Variants in CFAP20DC observed in about 807,000 individuals in gnomAD.
The protein encoded by CFAP20DC is CFAP20 domain containing.
In CFAP20DC, 84 loss-of-function variants were observed where a neutral mutation model predicts 101.7. The ratio of observed to expected loss-of-function variants is 0.83; its 90% CI spans 0.69 to 0.99. The LOEUF is 0.99. CFAP20DC is among the 50% of genes least tolerant of loss of function. The pLI is 0.00. For missense variants in CFAP20DC, 1,007 were observed against 970.3 expected (o/e 1.04, Z -0.50); for synonymous variants, 359 against 351.2 (o/e 1.02, Z -0.25).
intron 4 of CFAP20DC, among the ~76,000 whole-genome samples, chr3:58,957,377 A>T (rs1361936863): frequency 6.6e-6 from 1 of 152,214 alleles, no homozygotes; most frequent in Non-Finnish European, 1.5e-5. Context: ...ATGTGGAGAA[A>T]TGGTAACCCT....
chr3:58,932,730 T>C (rs964932276), intron 5 of CFAP20DC, among the ~76,000 whole-genome samples: 3 of 152,146 alleles, frequency 2.0e-5, no homozygotes, highest in Non-Finnish European at 4.4e-5. Context: ...TGCTGAGACA[T>C]TTTGTCACCA....
chr3:58,863,717 GAA>G lies in CFAP20DC; in HGVS notation c.1432_1433del (p.Phe478HisfsTer32), dbSNP rs777948716. On this transcript the variant is annotated frameshift_variant, in exon 12 of 17. Transcript: ENST00000482387. LOFTEE classifies it high-confidence loss of function. The surrounding 1 kb of genome is among the most constrained non-coding windows in gnomAD (Gnocchi z 5.9). Reference sequence around the variant, plus strand: ...CTGATCGTGGTCTTGATGAAAAAGTGAAAATGTCCTTTGGAACACTCTGGGAT... The same window carrying G: ...CTGATCGTGGTCTTGATGAAAAAGTGAATGTCCTTTGGAACACTCTGGGAT... ...EESQSVPKDI[F>X]TFSSRPRSAP... The G allele has an allele frequency of 4.3e-6, 7 of 1,614,178 alleles. No individual in the cohort carries two copies. The highest frequency in any genetic ancestry group is 5.9e-6 in the Non-Finnish European group (7 of 1,180,026).
chr3:58,769,744 G>C (rs1354760719), intron 15 of CFAP20DC, among the ~76,000 whole-genome samples: 2 of 152,116 alleles, frequency 1.3e-5, no homozygotes, highest in Non-Finnish European at 2.9e-5. Context: ...TCTGGAATAG[G>C]ATCACATCTC....
At chr3:58,870,079 G>T in intron 8 of CFAP20DC, 94 bp downstream of exon 8, 1 of 926,964 alleles carries the variant, frequency 1.1e-6, no homozygotes, top group Non-Finnish European at 1.7e-6. Flanking sequence ...CTGTCTGTCT[G>T]TCTTTCCCTC....
intron 4 of CFAP20DC, among the ~76,000 whole-genome samples, chr3:59,019,387 A>G (rs1020361572): frequency 6.6e-6 from 1 of 151,926 alleles, no homozygotes; most frequent in Non-Finnish European, 1.5e-5. Flanking sequence ...CCAGGGGAAC[A>G]TGATCCCAAA....
chr3:58,754,392 A>G (rs1365903269), intron 15 of CFAP20DC, among the ~76,000 whole-genome samples: 2 of 152,022 alleles, frequency 1.3e-5, no homozygotes, highest in African/African-American at 4.8e-5. Context: ...GCATTTCCCC[A>G]TCTCTTTACT....
intron 4 of CFAP20DC, among the ~76,000 whole-genome samples, chr3:59,011,397 C>CAA (rs371802860): frequency 0.015 from 1,667 of 114,768 alleles, 36 homozygotes; most frequent in African/African-American, 0.049. Context: ...GGCTCCATCT[C>CAA]AAAAAAAAAA....
chr3:58,812,017 A>C (rs1296746605), intron 14 of CFAP20DC, among the ~76,000 whole-genome samples: 1 of 152,270 alleles, frequency 6.6e-6, no homozygotes, highest in East Asian at 1.9e-4. Flanking sequence ...ACCATCTCAC[A>C]CCAGTTAGAA....
chr3:58,822,065 T>C (rs1470597110), intron 14 of CFAP20DC, among the ~76,000 whole-genome samples: 1 of 140,484 alleles, frequency 7.1e-6, no homozygotes, highest in African/African-American at 2.8e-5. Context: ...AAACACCGCA[T>C]ATTCTCACTC....
intron 6 of CFAP20DC, among the ~76,000 whole-genome samples, chr3:58,911,497 T>C (rs1020691124): frequency 3.3e-5 from 5 of 152,138 alleles, no homozygotes; most frequent in Admixed American, 1.3e-4. Flanking sequence ...AGGATGCTTG[T>C]AATGCTTGAT....
At chr3:58,871,108 A>G (rs1284262496) in intron 7 of CFAP20DC, among the ~76,000 whole-genome samples, 23 of 152,136 alleles carry the variant, frequency 1.5e-4, no homozygotes, top group Admixed American at 1.5e-3. Context: ...CAGGTCACCA[A>G]TGTAAGGCAG....
chr3:58,922,886 T>A (rs565179902), intron 5 of CFAP20DC, among the ~76,000 whole-genome samples: 165 of 152,282 alleles, frequency 1.1e-3, no homozygotes, highest in African/African-American at 3.8e-3. Context: ...ATATTATCCA[T>A]GACATAATAT....
chr3:58,981,236 G>A (rs2092528947), intron 4 of CFAP20DC, among the ~76,000 whole-genome samples: 2 of 152,158 alleles, frequency 1.3e-5, no homozygotes, highest in East Asian at 1.9e-4. Context: ...AACATTCCAT[G>A]CTCATGGGTA....
At chr3:58,866,440 T>C in intron 11 of CFAP20DC, 126 bp downstream of exon 11, 1 of 696,000 alleles carries the variant, frequency 1.4e-6, no homozygotes, top group Non-Finnish European at 2.3e-6. Flanking sequence ...TAAGAAGATT[T>C]ACACAAACTT....
At chr3:58,898,423 C>T (rs943605158) in intron 6 of CFAP20DC, among the ~76,000 whole-genome samples, 5 of 152,166 alleles carry the variant, frequency 3.3e-5, no homozygotes, top group South Asian at 2.1e-4. Flanking sequence ...GATCCACATG[C>T]TTTGGCCTCC....
At chr3:58,991,022 T>G (rs1330733032) in intron 4 of CFAP20DC, among the ~76,000 whole-genome samples, 1 of 152,146 alleles carries the variant, frequency 6.6e-6, no homozygotes, top group Non-Finnish European at 1.5e-5. Context: ...GCAACTTTAC[T>G]TGGCACATAG....
At chr3:58,736,143 A>G (rs2067749764) in intron 3 of CFAP20DC, among the ~76,000 whole-genome samples, 1 of 152,224 alleles carries the variant, frequency 6.6e-6, no homozygotes, top group Non-Finnish European at 1.5e-5. Flanking sequence ...TCAAAAGTCA[A>G]AGAAAACACA....
intron 14 of CFAP20DC, among the ~76,000 whole-genome samples, chr3:58,814,672 A>T (rs1196676696): frequency 6.6e-6 from 1 of 151,022 alleles, no homozygotes; most frequent in Non-Finnish European, 1.5e-5. Flanking sequence ...CAGGATACAA[A>T]ATCAATGTAC....
intron 7 of CFAP20DC, among the ~76,000 whole-genome samples, chr3:58,878,146 A>G (rs530224934): frequency 8.5e-5 from 13 of 152,360 alleles, no homozygotes; most frequent in Admixed American, 5.9e-4. Context: ...CCCAGAAAAC[A>G]CAACGAAAAG....
Sources: allele counts gnomAD v4.1 joint callset (sites outside exome capture counted in the v4.1 genomes callset), GRCh38; gene constraint gnomAD v4.1.1; non-coding constraint Gnocchi (gnomAD v3.1); transcripts MANE v1.5; gene names NCBI Gene and HGNC (gene_info 2026-07-23, HGNC 2026-07-21).